The following CIITA variants were observed in gnomAD, a reference collection of about 807,000 sequenced individuals.
The protein encoded by CIITA is class II major histocompatibility complex transactivator, also known as MHC class II transactivator.
Under a neutral mutation model 115.1 loss-of-function variants are expected in CIITA, and 72 were observed. That is an observed-to-expected ratio of 0.63 (90% CI 0.52 to 0.76). The LOEUF (loss-of-function observed/expected upper bound fraction) is 0.76. CIITA is among the 30% of genes least tolerant of loss of function. The pLI, the probability that CIITA is intolerant of heterozygous loss-of-function variation, is 0.00. For missense variants in CIITA, 1,617 were observed against 1,463.8 expected, an observed-to-expected ratio of 1.10 and a Z score of -1.71; for synonymous variants, 763 against 635.6, an observed-to-expected ratio of 1.20 and a Z score of -3.02.
chr16:10,868,811 C>A (rs545368232), intron 1 of CIITA, among the ~76,000 whole-genome samples: 20 of 152,312 alleles, frequency 1.3e-4, no homozygotes, highest in African/African-American at 4.8e-4. Flanking sequence ...TCTGATCCCA[C>A]GTGACTCCAG....
rs188055251 is a variant in CIITA, at chr16:10,902,087, C to T, written c.531C>T (p.Ser177=). The T allele has an allele frequency of 3.1e-4, 501 of 1,614,120 alleles. No homozygotes were observed. Among genetic ancestry groups the T allele is most frequent in the African/African-American group, 2.7e-5 (2 of 75,054 alleles). The change falls in exon 7 of 20, where the codon AGC becomes AGT. Residue 177 remains serine, a synonymous_variant. Coordinates refer to ENST00000324288, the MANE Select transcript of CIITA (RefSeq NM_000246.4). The stretch of plus-strand genomic sequence containing the variant: ...GCAGTCTCCTAGTGGGACCAGTGAG[C>T]GACTGCTCCACCCTGCCCTGCCTGC... ...VTGSLLVGPV[S]DCSTLPCLPL...
rs372705496 is a variant in CIITA, at chr16:10,907,431, C to G, written c.1939C>G (p.Arg647Gly). 7 of 1,613,180 alleles carry G rather than the reference C, an allele frequency of 4.3e-6. No homozygotes were observed. Among genetic ancestry groups the G allele is most frequent in the Middle Eastern group, 1.6e-4 (1 of 6,062 alleles). The change falls in exon 11 of 20, where the codon CGT becomes GGT. Residue 647 changes from arginine to glycine, a missense_variant. By Grantham distance (125) the Arg-to-Gly change is moderately radical (BLOSUM62 -2). Transcript: ENST00000324288. The surrounding 1 kb of genome is among the most constrained non-coding windows in gnomAD (Gnocchi z 5.0). ...LTGLYVGLLG[R>G]AALDSPPGAL... The stretch of plus-strand genomic sequence containing the variant: ...GGGACTCTATGTCGGCCTGCTGGGC[C>G]GTGCAGCCCTCGACAGCCCCCCCGG...
downstream of CIITA, chr16:10,936,774 G>C (rs1257231469): frequency 6.6e-6 from 1 of 152,210 alleles, no homozygotes; most frequent in Non-Finnish European, 1.5e-5. Context: ...GGCAGTCTTA[G>C]TTGGCTTTGT....
downstream of CIITA, chr16:10,939,558 C>A (rs1209817068): frequency 2.0e-5 from 3 of 152,272 alleles, no homozygotes; most frequent in Non-Finnish European, 2.9e-5. This position sits in a 1 kb window ranked among gnomAD's most constrained non-coding sequence, Gnocchi z 4.9. Flanking sequence ...ATTCCCTCAG[C>A]CTGGACTGCT....
intron 3 of CIITA, 31 bp from the exon 4 acceptor site, chr16:10,898,639 T>G (rs1300098856): frequency 1.3e-5 from 20 of 1,591,488 alleles, no homozygotes; most frequent in Non-Finnish European, 1.6e-5. Context: ...TAGACCTTGT[T>G]GATTGACTGC....
rs117772011 is a variant in CIITA at position 10,918,806 on chromosome 16, T to A, written c.3149+280T>A. 9.8e-5 allele frequency among the ~76,000 whole-genome samples: 15 copies of A among 152,328 alleles called. 1 individual carries two copies. The East Asian group carries it at 2.9e-3, about 29-fold the overall frequency. ...TGTTATGCAATAAATATTGCTCCTT[T>A]TCCCCCAGGGATGGCGGGACCAGGC... On this transcript the variant is annotated intron_variant, in intron 16 of 19. Transcript: ENST00000324288.
At chr16:10,871,684 G>C (rs887663415) in intron 1 of CIITA, among the ~76,000 whole-genome samples, 1 of 152,146 alleles carries the variant, frequency 6.6e-6, no homozygotes, top group Non-Finnish European at 1.5e-5. Context: ...GAGGAGAGAG[G>C]CTGTGCCCTC....
chr16:10,918,534 G>A lies in CIITA; in HGVS notation c.3149+8G>A, dbSNP rs1157775222. 12 of 1,613,768 alleles carry A rather than the reference G, an allele frequency of 7.4e-6. No individual in the cohort carries two copies. Among genetic ancestry groups the A allele is most frequent in the Non-Finnish European group, 1.0e-5 (12 of 1,179,886 alleles). The stretch of plus-strand genomic sequence containing the variant: ...ATCCCTGCTCAGGCTAAGGTGAGTG[G>A]GGCCCCGGATACCGGTCAGGTGCTG... On this transcript the variant is annotated splice_region_variant and intron_variant, in intron 16 of 19. Transcript: ENST00000324288.
chr16:10,884,942 C>G (rs1007729060), intron 1 of CIITA, among the ~76,000 whole-genome samples: 2 of 152,126 alleles, frequency 1.3e-5, no homozygotes, highest in Non-Finnish European at 2.9e-5. Flanking sequence ...CTCTCCCTGC[C>G]CCAGTCACCC....
At chr16:10,892,045 C>T (rs1036258545) in intron 1 of CIITA, among the ~76,000 whole-genome samples, 10 of 152,122 alleles carry the variant, frequency 6.6e-5, no homozygotes, top group Non-Finnish European at 1.2e-4. Flanking sequence ...GTCTCTGGGC[C>T]GGGTGTGGTG....
intron 1 of CIITA, among the ~76,000 whole-genome samples, chr16:10,884,452 T>C (rs936050092): frequency 6.6e-6 from 1 of 152,218 alleles, no homozygotes; most frequent in African/African-American, 2.4e-5. Context: ...TCTCACTCTG[T>C]TGCCCAGGTT....
upstream of CIITA, among the ~76,000 whole-genome samples, chr16:10,872,983 T>C (rs551676778): frequency 6.6e-6 from 1 of 152,348 alleles, no homozygotes; most frequent in South Asian, 2.1e-4. Flanking sequence ...TATTTTATTT[T>C]ATTTTTTGAG....
In CIITA at chr16:10,877,375, GC is replaced by G; in HGVS notation, c.49del (p.Gln17LysfsTer14). ...PRPAGSYLSE[P>X]QGSSQCATME... ...GCCCTGCTGGGTCCTACCTGTCAGA[GC>G]CCCAAGGTAAAAAGGCCGGGAAAGC... On this transcript the variant is annotated frameshift_variant, in exon 1 of 20. Coordinates refer to ENST00000324288, the MANE Select transcript of CIITA (RefSeq NM_000246.4). LOFTEE classifies it high-confidence loss of function. 6.2e-7 allele frequency: 1 copy of G among 1,613,192 alleles called. No individual in the cohort carries two copies. Among genetic ancestry groups the G allele is most frequent in the Non-Finnish European group, 8.5e-7 (1 of 1,179,518 alleles).
intron 1 of CIITA, among the ~76,000 whole-genome samples, chr16:10,871,747 G>C (rs558457651): frequency 2.0e-5 from 3 of 152,298 alleles, no homozygotes; most frequent in Non-Finnish European, 4.4e-5. Context: ...GATTTTGGGA[G>C]TCTCCTTTGC....
At chr16:10,919,578 G>A (rs1596606554) in intron 16 of CIITA, among the ~76,000 whole-genome samples, 1 of 152,148 alleles carries the variant, frequency 6.6e-6, no homozygotes, top group East Asian at 1.9e-4. Flanking sequence ...GTGCAATGAT[G>A]GCTCACTACA....
chr16:10,903,690 A>G (rs777206067), intron 8 of CIITA, 41 bp from the exon 9 acceptor site: 11 of 1,612,242 alleles, frequency 6.8e-6, no homozygotes, highest in Admixed American at 1.7e-5. Context: ...TCTGGAATCA[A>G]TACCTGGTTA....
chr16:10,879,220 G>T lies in CIITA; in HGVS notation c.52+1838G>T, dbSNP rs1470723764. On this transcript the variant is annotated intron_variant, in intron 1 of 19. Coordinates refer to ENST00000324288, the MANE Select transcript of CIITA (RefSeq NM_000246.4). This position sits in a 1 kb window ranked among gnomAD's most constrained non-coding sequence, Gnocchi z 4.3. The stretch of plus-strand genomic sequence containing the variant: ...CAGCATCCCCGCAACGACTCTGCGC[G>T]GGAACCAGGAGCCGGGAACCCGGAG... Among the ~76,000 whole-genome samples the T allele has an allele frequency of 2.6e-5, 4 of 152,292 alleles. No individual in the cohort carries two copies. The East Asian group carries it at 7.7e-4, about 29-fold the overall frequency.
Position 10,906,731 on chromosome 16 carries a change from A to C in CIITA, c.1239A>C (p.Thr413=). ...AGGAGCACCGGCGGCCGCGTGAGAC[A>C]CGAGTGATTGCTGTGCTGGGCAAAG... is the stretch of plus-strand genomic sequence containing the variant. ...AAKEHRRPRE[T]RVIAVLGKAG... is the part of the protein sequence containing the mutation. Residue 413 remains threonine, a synonymous_variant, in exon 11 of 20, where the codon ACA becomes ACC. Coordinates refer to ENST00000324288, the MANE Select transcript of CIITA (RefSeq NM_000246.4). 6.2e-7 allele frequency: 1 copy of C among 1,610,926 alleles called. No individual in the cohort carries two copies. The highest frequency in any genetic ancestry group is 8.5e-7 in the Non-Finnish European group (1 of 1,179,826).
chr16:10,926,287 C>G lies in CIITA; in HGVS notation c.*2432C>G, dbSNP rs931340214. On this transcript the variant is annotated 3_prime_UTR_variant, in exon 20 of 20. Coordinates refer to ENST00000324288, the MANE Select transcript of CIITA (RefSeq NM_000246.4). The stretch of plus-strand genomic sequence containing the variant: ...TGCAAAGGGTATCAGGTGCTGCCAT[C>G]CAGGTTCAGCTTGTAAATAGCTCAG... 9 of 152,248 alleles carry G rather than the reference C, an allele frequency of 5.9e-5. No homozygotes were observed. In the East Asian group the frequency reaches 9.6e-4, roughly 16 times the overall value. The allele number at this position is 152,248 out of a possible 1,614,324, so 9.4% of individuals were successfully genotyped here. A position where few individuals can be genotyped will look rare whatever the true frequency, so the allele number is the denominator to read the frequency against.
Sources: gnomAD v4.1 joint callset for allele counts (sites outside exome capture counted in the v4.1 genomes callset) on GRCh38, gnomAD v4.1.1 for gene constraint, Gnocchi (gnomAD v3.1) non-coding constraint, MANE v1.5 for transcripts, NCBI Gene and HGNC (gene_info 2026-07-23, HGNC 2026-07-21) for gene names.